Variants in MBTD1 observed in about 807,000 individuals in gnomAD.
The protein encoded by MBTD1 is mbt domain containing 1, also known as MBT domain-containing protein 1.
Under a neutral mutation model 87.8 loss-of-function variants are expected in MBTD1, and 24 were observed. That is an observed-to-expected ratio of 0.27 (90% confidence interval 0.20 to 0.38). The LOEUF is 0.38. Ranked by LOEUF, MBTD1 falls within the 10% of genes least tolerant of loss-of-function variation. MBTD1 has a pLI of 1.00. For missense variants in MBTD1, 436 were observed against 760.2 expected, an observed-to-expected ratio of 0.57 and a Z score of 5.02; for synonymous variants, 237 against 248.6, an observed-to-expected ratio of 0.95 and a Z score of 0.44.
At chr17:51,260,941 G>T, upstream of MBTD1, 1 of 1,525,934 alleles carries the variant, frequency 6.6e-7, no homozygotes, top group Non-Finnish European at 8.8e-7. Context: ...GGGAGGCCGC[G>T]GCGCGCGGGC....
At chr17:51,187,076 C>T (rs376890491) in intron 16 of MBTD1, among the ~76,000 whole-genome samples, 25 of 152,140 alleles carry the variant, frequency 1.6e-4, no homozygotes, top group African/African-American at 5.8e-4. Context: ...AATGTACTTC[C>T]AAATTCAAAG....
Position 51,259,940 on chromosome 17 carries a change from GA to G in MBTD1, c.-219del. ...GCTGGGGGCAGGTGCCTCTCCCCGG[GA>G]CTGCGGCGACTACAGGGGGCCCCCG... On this transcript the variant is annotated 5_prime_UTR_variant, in exon 1 of 17. Coordinates refer to ENST00000586178, the MANE Select transcript of MBTD1 (RefSeq NM_017643.3). 8.5e-7 allele frequency: 1 copy of G among 1,182,562 alleles called. No individual in the cohort carries two copies. Among genetic ancestry groups the G allele is most frequent in the Non-Finnish European group, 1.1e-6 (1 of 942,800 alleles). 73.3% of individuals were successfully genotyped at this position (1,182,562 alleles called of 1,614,324 possible). A position where few individuals can be genotyped will look rare whatever the true frequency, so the allele number is the denominator to read the frequency against.
At chr17:51,234,923 C>T (rs2053750265) in intron 2 of MBTD1, among the ~76,000 whole-genome samples, 1 of 152,118 alleles carries the variant, frequency 6.6e-6, no homozygotes, top group Non-Finnish European at 1.5e-5. Context: ...TCTCAAACTC[C>T]TGACTCAGGT....
intron 16 of MBTD1, among the ~76,000 whole-genome samples, chr17:51,187,866 G>GAAAAA (rs71149350): frequency 2.8e-4 from 33 of 117,996 alleles, no homozygotes; most frequent in Admixed American, 5.2e-4. Flanking sequence ...AAGAAAGAAA[G>GAAAAA]AAAAAAAAAA....
At chr17:51,221,791 C>T (rs192264371) in intron 3 of MBTD1, among the ~76,000 whole-genome samples, 9 of 152,128 alleles carry the variant, frequency 5.9e-5, no homozygotes, top group Non-Finnish European at 8.8e-5. Context: ...GAAGGATGTG[C>T]GTAAGTTATA....
At chr17:51,222,790 G>A (rs1052524631) in intron 3 of MBTD1, among the ~76,000 whole-genome samples, 4 of 151,650 alleles carry the variant, frequency 2.6e-5, no homozygotes, top group African/African-American at 9.7e-5. Flanking sequence ...CTCTCTATCA[G>A]CCCCTGAGCT....
chr17:51,195,188 C>G, intron 13 of MBTD1, 26 bp downstream of exon 13: 2 of 1,588,224 alleles, frequency 1.3e-6, no homozygotes, highest in South Asian at 2.3e-5. Context: ...CAATTAAAAC[C>G]CAGTGTTTAT....
intron 12 of MBTD1, among the ~76,000 whole-genome samples, chr17:51,197,652 G>C (rs2051214056): frequency 6.6e-6 from 1 of 151,552 alleles, no homozygotes; most frequent in South Asian, 2.1e-4. Flanking sequence ...GTCTATAGGT[G>C]TGCCACCACA....
At chr17:51,238,931 C>T (rs571247282) in intron 2 of MBTD1, among the ~76,000 whole-genome samples, 13 of 151,998 alleles carry the variant, frequency 8.6e-5, no homozygotes, top group Non-Finnish European at 1.6e-4. Flanking sequence ...AAAACCCTGT[C>T]TCTACTAAAA....
At chr17:51,181,107 C>T (rs148502543) in intron 16 of MBTD1, among the ~76,000 whole-genome samples, 226 of 151,474 alleles carry the variant, frequency 1.5e-3, no homozygotes, top group African/African-American at 4.0e-3. Context: ...CTGCAACCTC[C>T]GCTTCCCGGT....
rs2143824961 is a variant in MBTD1 at position 51,231,081 on chromosome 17, G to A, written c.-48-5872C>T. On this transcript the variant is annotated intron_variant, in intron 2 of 16. Coordinates refer to ENST00000586178, the MANE Select transcript of MBTD1 (RefSeq NM_017643.3). The stretch of plus-strand genomic sequence containing the variant: ...GCCTCTTGAGTAGCTGGGACTACAG[G>A]CGCCTGCCACCACGCCAGGCTAACT... Among the ~76,000 whole-genome samples the A allele has an allele frequency of 1.3e-5, 2 of 152,262 alleles. 1 individual carries two copies. The highest frequency in any genetic ancestry group is 4.2e-4 in the South Asian group (2 of 4,816).
chr17:51,187,790 G>T (rs1243449219), intron 16 of MBTD1, among the ~76,000 whole-genome samples: 1 of 151,358 alleles, frequency 6.6e-6, no homozygotes, highest in Admixed American at 6.6e-5. Flanking sequence ...CAGAGGTTGT[G>T]GCGAGCCGAC....
At chr17:51,260,952 T>TGGGCGCACTCGGGCG (rs2055448028), upstream of MBTD1, 5 of 1,489,244 alleles carry the variant, frequency 3.4e-6, no homozygotes, top group East Asian at 2.9e-5. Flanking sequence ...GCGCGCGGGC[T>TGGGCGCACTCGGGCG]GGGCGCACTC....
chr17:51,185,551 T>G (rs1261035207), intron 16 of MBTD1: 1 of 152,238 alleles, frequency 6.6e-6, no homozygotes, highest in African/African-American at 2.4e-5. Flanking sequence ...TCAACTAAGA[T>G]TGTGATCAAT....
intron 2 of MBTD1, among the ~76,000 whole-genome samples, chr17:51,233,759 T>A (rs1230942916): frequency 6.6e-6 from 1 of 152,034 alleles, no homozygotes; most frequent in Non-Finnish European, 1.5e-5. Context: ...TAAAAAAAAA[T>A]TTATACCAAC....
chr17:51,192,722 T>C (rs376039417), intron 15 of MBTD1, 60 bp downstream of exon 15: 52 of 1,596,852 alleles, frequency 3.3e-5, no homozygotes, highest in East Asian at 8.9e-5. Flanking sequence ...TTATGTGAGA[T>C]AGTCCTCTGG....
At position 51,179,519 on chromosome 17, in the gene MBTD1, T is replaced by TTC. The variant is rs1176103046; in HGVS notation, c.*1056_*1057insGA. 6.8e-5 allele frequency: 7 copies of TTC among 103,380 alleles called. 1 individual carries two copies. Among genetic ancestry groups the TTC allele is most frequent in the East Asian group, 5.3e-4 (2 of 3,746 alleles). The allele number at this position is 103,380 out of a possible 1,614,324, so 6.4% of individuals were successfully genotyped here. A position where few individuals can be genotyped will look rare whatever the true frequency, so the allele number is the denominator to read the frequency against. On this transcript the variant is annotated 3_prime_UTR_variant, in exon 17 of 17. Transcript: ENST00000586178. ...ATATATATATATATATATATATATA[T>TTC]ATATATATATATATATATGGAATTT... is the stretch of plus-strand genomic sequence containing the variant.
chr17:51,251,346 C>T (rs1270399369), intron 2 of MBTD1: 3 of 152,058 alleles, frequency 2.0e-5, no homozygotes, highest in South Asian at 4.1e-4. Context: ...TGCCATGTTT[C>T]CAAGTCTTCA....
At chr17:51,259,457 CAAG>C (rs1412073501) in intron 1 of MBTD1, among the ~76,000 whole-genome samples, 3 of 152,054 alleles carry the variant, frequency 2.0e-5, no homozygotes, top group Non-Finnish European at 4.4e-5. Flanking sequence ...CCCTCCCCGC[CAAG>C]AAGAGAGGAC....
Sources: allele counts gnomAD v4.1 joint callset (sites outside exome capture counted in the v4.1 genomes callset), GRCh38; gene constraint gnomAD v4.1.1; transcripts MANE v1.5; gene names NCBI Gene and HGNC (gene_info 2026-07-23, HGNC 2026-07-21).